BET1: variants seen among roughly 807,000 people sequenced by gnomAD.
BET1 encodes BET1 homolog.
In BET1, 9 loss-of-function variants were observed where a neutral mutation model predicts 13.9. The ratio of observed to expected loss-of-function variants is 0.65; its 90% CI spans 0.39 to 1.13. BET1 has a LOEUF of 1.13. Ranked by LOEUF, BET1 falls within the 50% of genes most tolerant of loss-of-function variation. The probability of loss-of-function intolerance (pLI) is 0.01; values close to 1 mark genes in which losing one functional copy is unlikely to be tolerated. For synonymous variants in BET1, 39 were observed against 47.3 expected (o/e 0.82, Z 0.72); for missense variants, 127 against 133.6 (o/e 0.95, Z 0.24).
intron 6 of BET1, among the ~76,000 whole-genome samples, chr7:93,969,086 G>A (rs1355299638): frequency 6.6e-6 from 1 of 151,788 alleles, no homozygotes; most frequent in South Asian, 2.1e-4. Flanking sequence ...AAAACTATTG[G>A]CTTGCAATAG....
chr7:93,978,579 G>T lies in BET1; in HGVS notation c.236-2479C>A, dbSNP rs1795376991. ...CCTTTACTAGTCTGTTGGCTTGTTT[G>T]ACTATTTTCATATGCTTCCTTTTTC... On this transcript the variant is annotated intron_variant and NMD_transcript_variant, in intron 4 of 6. Coordinates refer to the BET1 transcript ENST00000357520. 2.6e-5 allele frequency among the ~76,000 whole-genome samples: 4 copies of T among 152,060 alleles called. No individual in the cohort carries two copies. The South Asian group carries it at 8.3e-4, about 31-fold the overall frequency.
downstream of BET1, among the ~76,000 whole-genome samples, chr7:93,989,589 C>G (rs1014064315): frequency 1.3e-5 from 2 of 152,066 alleles, no homozygotes; most frequent in Non-Finnish European, 2.9e-5. Context: ...TTGTCAGTTG[C>G]CTTAAGTGAC....
At chr7:93,968,161 G>A (rs1208740982) in intron 6 of BET1, among the ~76,000 whole-genome samples, 1 of 151,658 alleles carries the variant, frequency 6.6e-6, no homozygotes, top group Non-Finnish European at 1.5e-5. Flanking sequence ...CTAAACATTA[G>A]CAAACATAAC....
chr7:93,984,265 A>G (rs1000741519), intron 4 of BET1, among the ~76,000 whole-genome samples: 1 of 152,098 alleles, frequency 6.6e-6, no homozygotes, highest in Non-Finnish European at 1.5e-5. Context: ...TAGTCATTGT[A>G]TTAGGGCTCA....
At chr7:93,973,873 C>T (rs1284121050) in intron 5 of BET1, among the ~76,000 whole-genome samples, 6 of 151,964 alleles carry the variant, frequency 3.9e-5, no homozygotes, top group African/African-American at 1.4e-4. Flanking sequence ...AGTAACAGAA[C>T]ACTACAGGAG....
chr7:93,994,006 C>T lies in BET1; in HGVS notation c.*224G>A. On this transcript the variant is annotated 3_prime_UTR_variant, in exon 4 of 4. Coordinates refer to ENST00000222547, the MANE Select transcript of BET1 (RefSeq NM_005868.6). ...AACTGGAAATTAGTGGAGCCACACCCTCTCACTACCCCTGAAAATAGGGGC... is the reference window on the plus strand; with the variant it reads ...AACTGGAAATTAGTGGAGCCACACCTTCTCACTACCCCTGAAAATAGGGGC... 3.3e-6 allele frequency: 5 copies of T among 1,515,688 alleles called. No homozygotes were observed. Among genetic ancestry groups the T allele is most frequent in the Non-Finnish European group, 4.4e-6 (5 of 1,137,968 alleles). The allele number at this position is 1,515,688 out of a possible 1,614,324, so 93.9% of individuals were successfully genotyped here.
exon 7 of BET1, chr7:93,963,782 A>C (rs922207763): frequency 6.6e-6 from 1 of 150,612 alleles, no homozygotes; most frequent in Non-Finnish European, 1.5e-5. Flanking sequence ...ATTAGACTTT[A>C]AAAAAAATTG....
intron 1 of BET1, among the ~76,000 whole-genome samples, chr7:94,000,839 T>G (rs1795890237): frequency 6.6e-6 from 1 of 152,116 alleles, no homozygotes; most frequent in African/African-American, 2.4e-5. Flanking sequence ...ATATCAAAAC[T>G]AGAAGTCTCA....
downstream of BET1, chr7:93,992,854 A>G (rs1795664681): frequency 5.4e-5 from 52 of 969,668 alleles, no homozygotes; most frequent in Non-Finnish European, 6.3e-5. Context: ...ATATGAACCC[A>G]GGTCATCTAA....
chr7:93,999,609 G>A, intron 1 of BET1: 1 of 464,088 alleles, frequency 2.2e-6, no homozygotes, highest in Non-Finnish European at 4.3e-6. Context: ...CCCTGCTCAA[G>A]AGAAACATAT....
chr7:93,978,745 T>C (rs1006244160), intron 4 of BET1, among the ~76,000 whole-genome samples: 2 of 152,180 alleles, frequency 1.3e-5, no homozygotes, highest in African/African-American at 2.4e-5. Flanking sequence ...CAGTCAGAGT[T>C]TGATGTTAGA....
At chr7:93,973,023 T>C (rs970307638) in intron 5 of BET1, among the ~76,000 whole-genome samples, 4 of 151,784 alleles carry the variant, frequency 2.6e-5, no homozygotes, top group Admixed American at 6.6e-5. Context: ...AACTAGAAAT[T>C]TTGCTCCGAA....
At chr7:93,997,722 T>C (rs1182814655) in intron 2 of BET1, among the ~76,000 whole-genome samples, 1 of 152,204 alleles carries the variant, frequency 6.6e-6, no homozygotes, top group African/African-American at 2.4e-5. Context: ...GCAGTATCAA[T>C]CACATATATT....
At chr7:93,989,138 C>T (rs1383815165), downstream of BET1, among the ~76,000 whole-genome samples, 4 of 151,430 alleles carry the variant, frequency 2.6e-5, no homozygotes, top group Non-Finnish European at 5.9e-5. Context: ...CTCAGCCTCC[C>T]GAGTAGCTGG....
intron 4 of BET1, among the ~76,000 whole-genome samples, chr7:93,978,463 TA>T (rs1795375476): frequency 6.6e-6 from 1 of 152,268 alleles, no homozygotes; most frequent in Admixed American, 6.5e-5. Flanking sequence ...GCATTTCCTA[TA>T]CAATATTGCC....
At chr7:93,969,127 T>TG (rs766182959) in intron 6 of BET1, among the ~76,000 whole-genome samples, 3 of 151,860 alleles carry the variant, frequency 2.0e-5, no homozygotes, top group Non-Finnish European at 2.9e-5. Flanking sequence ...CTTGTGTCAC[T>TG]GGTTGCCCAA....
At chr7:93,992,576 T>A (rs113823887), downstream of BET1, 1 of 985,272 alleles carries the variant, frequency 1.0e-6, no homozygotes, top group Admixed American at 6.1e-5. Context: ...CTTGAATGAA[T>A]GAGTCACTCT....
rs1172976030 is a variant in BET1 at position 93,993,856 on chromosome 7, G to C, written c.*374C>G. ...GACTACTTCAAGAGCTCAGAGTCAG[G>C]CTCTCCAGGCATTCTGTTACTCTCC... On this transcript the variant is annotated 3_prime_UTR_variant, in exon 4 of 4. Transcript: ENST00000222547. 1.3e-6 allele frequency: 2 copies of C among 1,535,048 alleles called. No individual in the cohort carries two copies. Among genetic ancestry groups the C allele is most frequent in the South Asian group, 2.4e-5 (2 of 83,832 alleles).
exon 5 of BET1, chr7:93,976,095 G>C (rs1008245040): frequency 8.1e-7 from 1 of 1,230,062 alleles, no homozygotes. Context: ...GAACCTGAAG[G>C]ATCCACTGTA....
Sources: gnomAD v4.1 joint callset for allele counts (sites outside exome capture counted in the v4.1 genomes callset) on GRCh38, gnomAD v4.1.1 for gene constraint, MANE v1.5 for transcripts, NCBI Gene and HGNC (gene_info 2026-07-23, HGNC 2026-07-21) for gene names.